Variants in SPAST observed in about 807,000 individuals in gnomAD.
SPAST encodes the protein spastin.
In SPAST, 30 loss-of-function variants were observed where a neutral mutation model predicts 76.6. The observed-to-expected ratio is 0.39, with a 90% CI of 0.29 to 0.53. SPAST has a LOEUF of 0.53. SPAST is among the 20% of genes least tolerant of loss of function. The pLI is 0.68. For missense variants in SPAST, 717 were observed against 770.5 expected (o/e 0.93, Z 0.82); for synonymous variants, 305 against 281.0 (o/e 1.09, Z -0.86).
intron 4 of SPAST, among the ~76,000 whole-genome samples, chr2:32,109,410 T>G (rs975251229): frequency 6.6e-6 from 1 of 152,046 alleles, no homozygotes; most frequent in Non-Finnish European, 1.5e-5. Flanking sequence ...CGCCTGGCCT[T>G]AATTTTTAAA....
chr2:32,105,309 A>C (rs1229709582), intron 4 of SPAST, among the ~76,000 whole-genome samples: 1 of 152,140 alleles, frequency 6.6e-6, no homozygotes, highest in African/African-American at 2.4e-5. Context: ...CCATCAGGCC[A>C]TTTAAGGTCT....
At chr2:32,140,218 T>C (rs1679671285) in intron 12 of SPAST, among the ~76,000 whole-genome samples, 1 of 152,218 alleles carries the variant, frequency 6.6e-6, no homozygotes, top group African/African-American at 2.4e-5. Context: ...TAATCTCCTT[T>C]CTGCTATATC....
In SPAST at chr2:32,134,473, A is replaced by T. The variant is rs183351620; in HGVS notation, c.1246-2090A>T. ...GCCGAGACTCCATCTCAAAAAAAAA[A>T]AATTTTTTTTTGTAGTGACAAGGTG... On this transcript the variant is annotated intron_variant, in intron 9 of 16. Transcript: ENST00000315285. Among the ~76,000 whole-genome samples, 354 of 150,236 alleles carry T rather than the reference A, an allele frequency of 2.4e-3. 2 individuals are homozygous for T. Among genetic ancestry groups the T allele is most frequent in the South Asian group, 6.3e-3 (30 of 4,728 alleles).
chr2:32,115,251 A>AT (rs1001064918), intron 5 of SPAST, among the ~76,000 whole-genome samples: 2 of 151,550 alleles, frequency 1.3e-5, no homozygotes, highest in African/African-American at 4.8e-5. Context: ...CCCAAAGTTA[A>AT]TTTTTTTTTA....
intron 1 of SPAST, among the ~76,000 whole-genome samples, chr2:32,087,156 A>G (rs1485380541): frequency 2.0e-5 from 3 of 152,188 alleles, no homozygotes; most frequent in African/African-American, 7.2e-5. Flanking sequence ...TGTTATTGAA[A>G]TCATATTTGT....
chr2:32,116,591 C>G (rs751083314), intron 7 of SPAST, among the ~76,000 whole-genome samples: 6 of 152,108 alleles, frequency 3.9e-5, no homozygotes, highest in Non-Finnish European at 7.4e-5. Flanking sequence ...CTCAGCCTCC[C>G]AAGTAGCTGG....
At chr2:32,110,771 CATAGTATACTATATATAGTATAGT>C (rs1188626212) in intron 4 of SPAST, among the ~76,000 whole-genome samples, 1 of 108,522 alleles carries the variant, frequency 9.2e-6, no homozygotes, top group Non-Finnish European at 1.9e-5. Context: ...ATATAGTATA[CATAGTATACTATATATAGTATAGT>C]ATACATAGTA....
rs376919265 is a variant in SPAST at position 32,098,793 on chromosome 2, T to C, written c.587-3T>C. The stretch of plus-strand genomic sequence containing the variant: ...TCTGTTTTTTACCTTCTCTGTTGCA[T>C]AGAGAAGATGCAACCAGTTTTGCCA... On this transcript the variant is annotated splice_polypyrimidine_tract_variant and splice_region_variant and intron_variant, in intron 3 of 16. Coordinates refer to ENST00000315285, the MANE Select transcript of SPAST (RefSeq NM_014946.4). The C allele has an allele frequency of 1.9e-6, 3 of 1,593,908 alleles. No homozygotes were observed. Among genetic ancestry groups the C allele is most frequent in the East Asian group, 2.2e-5 (1 of 44,758 alleles).
At chr2:32,107,235 C>T (rs376409197) in intron 4 of SPAST, among the ~76,000 whole-genome samples, 4 of 151,792 alleles carry the variant, frequency 2.6e-5, no homozygotes, top group Non-Finnish European at 2.9e-5. Context: ...CTCTAAAATT[C>T]GACTCTTTTT....
intron 3 of SPAST, among the ~76,000 whole-genome samples, chr2:32,092,487 A>G (rs1271108254): frequency 1.3e-5 from 2 of 152,214 alleles, no homozygotes; most frequent in Non-Finnish European, 2.9e-5. Flanking sequence ...GATATAGGAC[A>G]TTAGAAGTAT....
At chr2:32,094,397 T>C (rs1260436488) in intron 3 of SPAST, among the ~76,000 whole-genome samples, 5 of 152,120 alleles carry the variant, frequency 3.3e-5, no homozygotes, top group South Asian at 2.1e-4. Context: ...TTAAACAGGA[T>C]GGTCTCCTCT....
rs146183859 is a variant in SPAST, at chr2:32,068,042, G to A, written c.415+3796G>A. 5.3e-3 allele frequency among the ~76,000 whole-genome samples: 799 copies of A among 149,580 alleles called. 36 individuals are homozygous for A. The East Asian group carries it at 0.13, about 24-fold the overall frequency. ...CGCCCAGGCTAGAGTGCAGTGGCGCGATCTCGGCTCACTGCTAGCTCCGCC... is the reference window on the plus strand; with the variant it reads ...CGCCCAGGCTAGAGTGCAGTGGCGCAATCTCGGCTCACTGCTAGCTCCGCC... On this transcript the variant is annotated intron_variant, in intron 1 of 16. Coordinates refer to ENST00000315285, the MANE Select transcript of SPAST (RefSeq NM_014946.4).
intron 12 of SPAST, among the ~76,000 whole-genome samples, chr2:32,137,683 T>C (rs1679583360): frequency 6.6e-6 from 1 of 152,190 alleles, no homozygotes; most frequent in Non-Finnish European, 1.5e-5. Context: ...TGAATCCAAA[T>C]TGATTTTTTC....
intron 13 of SPAST, among the ~76,000 whole-genome samples, chr2:32,142,343 T>C (rs1022483630): frequency 9.2e-5 from 14 of 152,334 alleles, no homozygotes; most frequent in African/African-American, 3.4e-4. Flanking sequence ...ACATTATAAG[T>C]GAAAGAAGCA....
At chr2:32,095,525 A>T (rs1217319310) in intron 3 of SPAST, among the ~76,000 whole-genome samples, 1 of 151,594 alleles carries the variant, frequency 6.6e-6, no homozygotes, top group African/African-American at 2.4e-5. Flanking sequence ...TGAGTCCAGG[A>T]GTTTGAAACC....
intron 12 of SPAST, 103 bp downstream of exon 12, chr2:32,137,291 T>A: frequency 1.0e-6 from 1 of 972,944 alleles, no homozygotes. Flanking sequence ...AAGACTAAAT[T>A]CACTATTTTC....
intron 1 of SPAST, among the ~76,000 whole-genome samples, chr2:32,066,972 C>CAAAA (rs60829143): frequency 5.2e-5 from 4 of 77,510 alleles, no homozygotes; most frequent in African/African-American, 1.1e-4. Context: ...AAAACTGTCT[C>CAAAA]AAAAAAAAAA....
At chr2:32,108,297 A>C (rs1371121637) in intron 4 of SPAST, among the ~76,000 whole-genome samples, 1 of 152,204 alleles carries the variant, frequency 6.6e-6, no homozygotes, top group Non-Finnish European at 1.5e-5. Flanking sequence ...AGCAAAAGAA[A>C]GATTCAGTGA....
Position 32,145,275 on chromosome 2 carries a change from C to T in SPAST, c.1687+268C>T, listed in dbSNP as rs7592356. 0.37 allele frequency among the ~76,000 whole-genome samples: 55,760 copies of T among 151,810 alleles called. 10,604 individuals carry two copies. The highest frequency in any genetic ancestry group is 0.64 in the East Asian group (3,295 of 5,146). ...CCCAGATAATTATTTTATTTTATTT[C>T]TTGTAGAGACAGGGTTTCACCATGT... On this transcript the variant is annotated intron_variant, in intron 15 of 16. Transcript: ENST00000315285.
Sources: gnomAD v4.1 joint callset for allele counts (sites outside exome capture counted in the v4.1 genomes callset) on GRCh38, gnomAD v4.1.1 for gene constraint, MANE v1.5 for transcripts, NCBI Gene and HGNC (gene_info 2026-07-23, HGNC 2026-07-21) for gene names.